Variants in PTMA observed in about 807,000 individuals in gnomAD.
PTMA encodes gene sequence 28.
Under a neutral mutation model 16.9 loss-of-function variants are expected in PTMA, and 4 were observed. The observed-to-expected ratio is 0.24, with a 90% confidence interval of 0.12 to 0.54. PTMA has a LOEUF of 0.54. PTMA is among the 20% of genes least tolerant of loss of function. The pLI, the probability that PTMA is intolerant of heterozygous loss-of-function variation, is 0.95. For missense variants in PTMA, 120 were observed against 137.7 expected (o/e 0.87, Z 0.64); for synonymous variants, 58 against 47.9 (o/e 1.21, Z -0.87).
In PTMA at chr2:231,712,477, T is replaced by C. The variant is rs1299294680; in HGVS notation, c.246T>C (p.Ala82=). 2 of 1,614,124 alleles carry C rather than the reference T, an allele frequency of 1.2e-6. No individual in the cohort carries two copies. The highest frequency in any genetic ancestry group is 1.7e-6 in the Non-Finnish European group (2 of 1,180,024). ...AGGATGGAGATGAAGATGAGGAAGCTGAGTCAGCTACGGGCAAGCGGGCAG... is the reference window on the plus strand; with the variant it reads ...AGGATGGAGATGAAGATGAGGAAGCCGAGTCAGCTACGGGCAAGCGGGCAG... The part of the protein sequence containing the change: ...EEEDGDEDEE[A]ESATGKRAAE... The change falls in exon 4 of 5, where the codon GCT becomes GCC. Residue 82 remains alanine, a synonymous_variant. Coordinates refer to ENST00000409115, the MANE Select transcript of PTMA (RefSeq NM_002823.5).
intron 4 of PTMA, 82 bp from the exon 5 acceptor site, chr2:231,712,722 G>T: frequency 1.3e-6 from 2 of 1,505,572 alleles, no homozygotes; most frequent in Non-Finnish European, 9.0e-7. Context: ...CCTGGTTCTT[G>T]CTCTGCCAGC....
At chr2:231,710,853 C>T (rs1374437421) in intron 1 of PTMA, among the ~76,000 whole-genome samples, 1 of 152,208 alleles carries the variant, frequency 6.6e-6, no homozygotes, top group African/African-American at 2.4e-5. Flanking sequence ...GGCGGTGCGG[C>T]CTCGCGGGCC....
At chr2:231,712,180 C>G (rs2048526391) in intron 3 of PTMA, among the ~76,000 whole-genome samples, 197 bp downstream of exon 3, 1 of 151,746 alleles carries the variant, frequency 6.6e-6, no homozygotes. Flanking sequence ...CCCACTCACA[C>G]TCACTCGCAC....
chr2:231,711,528 T>A (rs1266589357), intron 2 of PTMA, 109 bp downstream of exon 2: 2 of 1,023,340 alleles, frequency 2.0e-6, no homozygotes, highest in Non-Finnish European at 3.0e-6. Flanking sequence ...TATGTATAGC[T>A]TTGCACAGTG....
At position 231,708,564 on chromosome 2, in the gene PTMA, C is replaced by A. The variant is rs571641218; in HGVS notation, c.-143C>A. 2 of 936,050 alleles carry A rather than the reference C, an allele frequency of 2.1e-6. No individual in the cohort carries two copies. Among genetic ancestry groups the A allele is most frequent in the African/African-American group, 1.6e-5 (1 of 61,486 alleles). The allele number at this position is 936,050 out of a possible 1,614,324, so 58.0% of individuals were successfully genotyped here. A position where few individuals can be genotyped will look rare whatever the true frequency, so the allele number is the denominator to read the frequency against. Reference sequence around the variant, plus strand: ...TCTGAAAAGCCATCTTTGCATTGTTCCTCATCCGCCTCCTTGCTCGCCGCA... The same window carrying A: ...TCTGAAAAGCCATCTTTGCATTGTTACTCATCCGCCTCCTTGCTCGCCGCA... On this transcript the variant is annotated 5_prime_UTR_variant, in exon 1 of 5. Coordinates refer to ENST00000409115, the MANE Select transcript of PTMA (RefSeq NM_002823.5).
intron 4 of PTMA, 49 bp from the exon 5 acceptor site, chr2:231,712,754 GA>G: frequency 1.9e-6 from 3 of 1,566,936 alleles, no homozygotes; most frequent in Non-Finnish European, 2.6e-6. Flanking sequence ...CAGTGGGCTG[GA>G]TAGGGCTCCT....
At position 231,711,370 on chromosome 2, in the gene PTMA, T is replaced by C; in HGVS notation, c.68T>C (p.Val23Ala). 1 of 1,614,106 alleles carries C rather than the reference T, an allele frequency of 6.2e-7. No individual in the cohort carries two copies. The highest frequency in any genetic ancestry group is 8.5e-7 in the Non-Finnish European group (1 of 1,179,950). Residue 23 changes from valine (V) to alanine (A), a missense_variant, in exon 2 of 5, where the codon GTT becomes GCT. Coordinates refer to ENST00000409115, the MANE Select transcript of PTMA (RefSeq NM_002823.5). Reference sequence around the variant, plus strand: ...AAGGACTTAAAGGAGAAGAAGGAAGTTGTGGAAGAGGCAGAAAATGGAAGA... The same window carrying C: ...AAGGACTTAAAGGAGAAGAAGGAAGCTGTGGAAGAGGCAGAAAATGGAAGA... ...TTKDLKEKKE[V>A]VEEAENGRDA... is the part of the protein sequence containing the mutation.
In PTMA at chr2:231,708,581, C is replaced by T. The variant is rs960230718; in HGVS notation, c.-126C>T. 158 of 1,171,976 alleles carry T rather than the reference C, an allele frequency of 1.3e-4. No homozygotes were observed. The highest frequency in any genetic ancestry group is 1.9e-4 in the Non-Finnish European group (152 of 801,096). The allele number at this position is 1,171,976 out of a possible 1,614,324, so 72.6% of individuals were successfully genotyped here. A position where few individuals can be genotyped will look rare whatever the true frequency, so the allele number is the denominator to read the frequency against. ...GCATTGTTCCTCATCCGCCTCCTTG[C>T]TCGCCGCAGCCGCCTCCGCCGCGCG... is the stretch of plus-strand genomic sequence containing the variant. On this transcript the variant is annotated 5_prime_UTR_variant, in exon 1 of 5. Coordinates refer to ENST00000409115, the MANE Select transcript of PTMA (RefSeq NM_002823.5).
chr2:231,711,299 G>A (rs2048515198), intron 1 of PTMA, 49 bp from the exon 2 acceptor site: 1 of 1,511,274 alleles, frequency 6.6e-7, no homozygotes, highest in Non-Finnish European at 9.2e-7. Flanking sequence ...GCTTACCCTG[G>A]GTTGCTCAGA....
In PTMA at chr2:231,708,593, G is replaced by C; in HGVS notation, c.-114G>C. 1 of 1,340,476 alleles carries C rather than the reference G, an allele frequency of 7.5e-7. No homozygotes were observed. Among genetic ancestry groups the C allele is most frequent in the Non-Finnish European group, 1.1e-6 (1 of 951,220 alleles). 83.0% of individuals were successfully genotyped at this position (1,340,476 alleles called of 1,614,324 possible). ...ATCCGCCTCCTTGCTCGCCGCAGCC[G>C]CCTCCGCCGCGCGCCTCCTCCGCCG... On this transcript the variant is annotated 5_prime_UTR_variant, in exon 1 of 5. Transcript: ENST00000409115.
At chr2:231,709,647 C>T (rs953415354) in intron 1 of PTMA, 1 of 152,368 alleles carries the variant, frequency 6.6e-6, no homozygotes, top group Non-Finnish European at 1.5e-5. Flanking sequence ...GCCCGGGCCC[C>T]GTGGCGGGTT....
intron 1 of PTMA, 43 bp from the exon 2 acceptor site, chr2:231,711,305 T>C (rs755995137): frequency 2.6e-6 from 4 of 1,556,942 alleles, no homozygotes; most frequent in Non-Finnish European, 3.5e-6. Context: ...CCTGGGTTGC[T>C]CAGAAGACTT....
intron 1 of PTMA, among the ~76,000 whole-genome samples, chr2:231,709,012 C>A (rs2048478629): frequency 6.6e-6 from 1 of 152,204 alleles, no homozygotes; most frequent in South Asian, 2.1e-4. Context: ...CGGAGGCCGG[C>A]TCACGGCCCT....
chr2:231,712,304 G>C, intron 3 of PTMA, 139 bp from the exon 4 acceptor site: 1 of 941,760 alleles, frequency 1.1e-6, no homozygotes, highest in Non-Finnish European at 1.6e-6. Context: ...TGTAGTGGGC[G>C]TGGGTGCCCT....
chr2:231,713,434 T>G lies in PTMA; in HGVS notation c.*583T>G, dbSNP rs2048546543. 1 of 509,572 alleles carries G rather than the reference T, an allele frequency of 2.0e-6. No individual in the cohort carries two copies. 31.6% of individuals were successfully genotyped at this position (509,572 alleles called of 1,614,324 possible). On this transcript the variant is annotated 3_prime_UTR_variant, in exon 5 of 5. Coordinates refer to ENST00000409115, the MANE Select transcript of PTMA (RefSeq NM_002823.5). ...AAAAGGTTTCTTTTTTTTTCCTTTTTTGTCTATGAAGTTGCTGTTTATTTT... is the reference window on the plus strand; with the variant it reads ...AAAAGGTTTCTTTTTTTTTCCTTTTGTGTCTATGAAGTTGCTGTTTATTTT...
chr2:231,711,277 C>G lies in PTMA; in HGVS notation c.46-71C>G. On this transcript the variant is annotated intron_variant, in intron 1 of 4. Transcript: ENST00000409115. ...AGAACAGCCGTACAGACCAGTAGTT[C>G]TCAGCGCCTTTGCTTACCCTGGGTT... 5 of 1,306,482 alleles carry G rather than the reference C, an allele frequency of 3.8e-6. No individual in the cohort carries two copies. The South Asian group carries it at 5.9e-5, about 16-fold the overall frequency. 80.9% of individuals were successfully genotyped at this position (1,306,482 alleles called of 1,614,324 possible).
rs551258068 is a variant in PTMA at position 231,710,357 on chromosome 2, C to G, written c.46-991C>G. On this transcript the variant is annotated intron_variant, in intron 1 of 4. Transcript: ENST00000409115. ...CGTGCTCCCTGCGCGCGGTGCGTGC[C>G]GAGGCCCGCGCGCAAAGCCCGCCGG... 2.9e-5 allele frequency: 35 copies of G among 1,205,558 alleles called. No homozygotes were observed. In the African/African-American group the frequency reaches 3.6e-4, roughly 13 times the overall value. The allele number at this position is 1,205,558 out of a possible 1,614,324, so 74.7% of individuals were successfully genotyped here.
chr2:231,710,628 C>T (rs1407695145), intron 1 of PTMA: 1 of 463,130 alleles, frequency 2.2e-6, no homozygotes. Flanking sequence ...TTACCGGGCG[C>T]CCGGGGCCGC....
At chr2:231,711,217 C>T (rs942094524) in intron 1 of PTMA, 131 bp from the exon 2 acceptor site, 18 of 738,922 alleles carry the variant, frequency 2.4e-5, no homozygotes, top group Non-Finnish European at 3.9e-5. Flanking sequence ...GGCATCAGGC[C>T]TTTCTCAACA....
Sources: gnomAD v4.1 joint callset for allele counts (sites outside exome capture counted in the v4.1 genomes callset) on GRCh38, gnomAD v4.1.1 for gene constraint, MANE v1.5 for transcripts, NCBI Gene and HGNC (gene_info 2026-07-23, HGNC 2026-07-21) for gene names.